Variants in AMPH observed in about 807,000 individuals in gnomAD.
The protein encoded by AMPH is amphiphysin.
AMPH carries 49 observed loss-of-function variants against 99.1 expected under a neutral mutation model. The ratio of observed to expected loss-of-function variants is 0.49; its 90% CI spans 0.39 to 0.63. The LOEUF (loss-of-function observed/expected upper bound fraction) is 0.63. AMPH is among the 20% of genes least tolerant of loss of function. The probability of loss-of-function intolerance (pLI) is 0.00; values close to 1 mark genes in which losing one functional copy is unlikely to be tolerated. For synonymous variants in AMPH, 314 were observed against 317.3 expected, an observed-to-expected ratio of 0.99 and a Z score of 0.11; for missense variants, 759 against 863.4, an observed-to-expected ratio of 0.88 and a Z score of 1.52.
At chr7:38,478,358 A>C (rs1163339850) in intron 5 of AMPH, among the ~76,000 whole-genome samples, 1 of 152,192 alleles carries the variant, frequency 6.6e-6, no homozygotes, top group African/African-American at 2.4e-5. Flanking sequence ...AGGCATTAGC[A>C]GTCCAATTCT....
At chr7:38,401,848 C>T (rs947877980) in intron 17 of AMPH, among the ~76,000 whole-genome samples, 1 of 152,078 alleles carries the variant, frequency 6.6e-6, no homozygotes, top group Admixed American at 6.5e-5. Context: ...ACTAGGAAAA[C>T]TTCAGTTTGA....
At chr7:38,605,077 T>C (rs1373482504) in intron 1 of AMPH, among the ~76,000 whole-genome samples, 1 of 50,356 alleles carries the variant, frequency 2.0e-5, no homozygotes, top group Non-Finnish European at 4.1e-5. Flanking sequence ...TTCAGTGAAG[T>C]CTGAAGCCTT....
chr7:38,426,347 G>A (rs1198514033), intron 15 of AMPH, among the ~76,000 whole-genome samples: 1 of 152,128 alleles, frequency 6.6e-6, no homozygotes. Context: ...GTCCTAATGG[G>A]ACAGTTCATC....
intron 1 of AMPH, among the ~76,000 whole-genome samples, chr7:38,563,845 CT>C (rs2129049683): frequency 6.6e-6 from 1 of 152,246 alleles, no homozygotes; most frequent in East Asian, 1.9e-4. Flanking sequence ...TGTTCTTTTA[CT>C]GCGATTACTT....
intron 1 of AMPH, among the ~76,000 whole-genome samples, chr7:38,569,610 T>C (rs1791871819): frequency 6.6e-6 from 1 of 151,960 alleles, no homozygotes; most frequent in African/African-American, 2.4e-5. Flanking sequence ...ATAACATATA[T>C]ATATATAAAA....
chr7:38,604,709 T>G (rs769042693), intron 1 of AMPH, among the ~76,000 whole-genome samples: 1 of 151,946 alleles, frequency 6.6e-6, no homozygotes, highest in Non-Finnish European at 1.5e-5. Flanking sequence ...TACCCTGTTA[T>G]AAAAGCTCTA....
In AMPH at chr7:38,391,973, A is replaced by G. The variant is rs1325181243; in HGVS notation, c.1653T>C (p.His551=). 10 of 1,609,690 alleles carry G rather than the reference A, an allele frequency of 6.2e-6. No homozygotes were observed. The highest frequency in any genetic ancestry group is 1.3e-5 in the African/African-American group (1 of 74,816). The part of the protein sequence containing the change: ...PSVVIEPASN[H]EEEGENEITI... ...TTATTTCGTTTTCTCCTTCCTCTTCATGGTTGGAGGCAGGCTCTATGACCA... is the reference window on the plus strand; with the variant it reads ...TTATTTCGTTTTCTCCTTCCTCTTCGTGGTTGGAGGCAGGCTCTATGACCA... Residue 551 remains histidine (H), a synonymous_variant, in exon 19 of 21, where the codon CAT becomes CAC. Coordinates refer to ENST00000356264, the MANE Select transcript of AMPH (RefSeq NM_001635.4).
Position 38,573,949 on chromosome 7 carries a change from T to C in AMPH, c.70-38938A>G, listed in dbSNP as rs539648534. Among the ~76,000 whole-genome samples the C allele has an allele frequency of 7.2e-5, 11 of 152,306 alleles. No homozygotes were observed. The East Asian group carries it at 2.1e-3, about 29-fold the overall frequency. On this transcript the variant is annotated intron_variant, in intron 1 of 20. Coordinates refer to ENST00000356264, the MANE Select transcript of AMPH (RefSeq NM_001635.4). ...TTACAGATGAGGAAATAGAGGCCTATAGAGGTGAAGTAACTTGACCACTTG... is the reference window on the plus strand; with the variant it reads ...TTACAGATGAGGAAATAGAGGCCTACAGAGGTGAAGTAACTTGACCACTTG...
chr7:38,389,755 C>A (rs772586939), intron 20 of AMPH, 49 bp downstream of exon 20: 160 of 1,410,502 alleles, frequency 1.1e-4, no homozygotes, highest in Non-Finnish European at 1.5e-4. Context: ...AACAGACCCT[C>A]AGAAAAAAAT....
At chr7:38,583,699 A>G (rs879372290) in intron 1 of AMPH, among the ~76,000 whole-genome samples, 13 of 152,222 alleles carry the variant, frequency 8.5e-5, no homozygotes, top group Non-Finnish European at 1.6e-4. Context: ...CCCCCAGGGA[A>G]GCTCACAGTC....
At chr7:38,496,911 T>C (rs181017911) in intron 3 of AMPH, among the ~76,000 whole-genome samples, 62 of 152,276 alleles carry the variant, frequency 4.1e-4, no homozygotes, top group Non-Finnish European at 5.4e-4. Flanking sequence ...GACCAAATAA[T>C]CTTTGTGATG....
chr7:38,463,192 A>C, intron 9 of AMPH, 79 bp from the exon 10 acceptor site: 1 of 1,596,270 alleles, frequency 6.3e-7, no homozygotes, highest in Non-Finnish European at 8.6e-7. Context: ...CATTTCAGAG[A>C]AACCCAGAAG....
chr7:38,486,210 A>G (rs755624889), intron 5 of AMPH, among the ~76,000 whole-genome samples: 3 of 151,898 alleles, frequency 2.0e-5, no homozygotes, highest in East Asian at 3.9e-4. Flanking sequence ...TCTAAACTAA[A>G]TAAGATAGAA....
intron 1 of AMPH, among the ~76,000 whole-genome samples, chr7:38,536,115 T>C (rs1409308601): frequency 1.3e-5 from 2 of 152,158 alleles, no homozygotes; most frequent in Admixed American, 6.6e-5. Flanking sequence ...TCCTAAAAAA[T>C]GTATATTTTA....
chr7:38,405,843 G>T (rs1292736091), intron 17 of AMPH, among the ~76,000 whole-genome samples: 1 of 152,108 alleles, frequency 6.6e-6, no homozygotes, highest in Non-Finnish European at 1.5e-5. Context: ...AGAAACTCTG[G>T]ACATAAATGT....
intron 1 of AMPH, among the ~76,000 whole-genome samples, chr7:38,580,425 T>G (rs1308992916): frequency 6.6e-6 from 1 of 152,140 alleles, no homozygotes; most frequent in Admixed American, 6.5e-5. Flanking sequence ...TAGTTTCTCT[T>G]GAACTTCACC....
At chr7:38,560,911 GC>G (rs1225916737) in intron 1 of AMPH, among the ~76,000 whole-genome samples, 1 of 152,182 alleles carries the variant, frequency 6.6e-6, no homozygotes, top group Non-Finnish European at 1.5e-5. Flanking sequence ...TGATACCTCT[GC>G]CATTGGCTAA....
chr7:38,565,928 C>T (rs1163647915), intron 1 of AMPH, among the ~76,000 whole-genome samples: 1 of 152,118 alleles, frequency 6.6e-6, no homozygotes, highest in African/African-American at 2.4e-5. Flanking sequence ...AAATAATAGT[C>T]AATGCAACAT....
At chr7:38,573,649 G>C (rs148244709) in intron 1 of AMPH, among the ~76,000 whole-genome samples, 1,650 of 152,286 alleles carry the variant, frequency 0.011, 7 homozygotes, top group Non-Finnish European at 0.016. Flanking sequence ...TCAGCCCTCT[G>C]TGGTTTTTTG....
Sources: gnomAD v4.1 joint callset for allele counts (sites outside exome capture counted in the v4.1 genomes callset) on GRCh38, gnomAD v4.1.1 for gene constraint, MANE v1.5 for transcripts, NCBI Gene and HGNC (gene_info 2026-07-23, HGNC 2026-07-21) for gene names.